The following DDX10 variants were observed in gnomAD, a reference collection of about 807,000 sequenced individuals.
DDX10 encodes the protein probable ATP-dependent RNA helicase DDX10.
DDX10 carries 74 observed loss-of-function variants against 104.3 expected under a neutral mutation model. The ratio of observed to expected loss-of-function variants is 0.71; its 90% CI spans 0.59 to 0.86. The LOEUF is 0.86. Among genes scored for constraint, DDX10 ranks in the 40% least tolerant of loss-of-function variants. The probability of loss-of-function intolerance (pLI) is 0.00; values close to 1 mark genes in which losing one functional copy is unlikely to be tolerated. For synonymous variants in DDX10, 351 were observed against 353.4 expected (o/e 0.99, Z 0.08); for missense variants, 952 against 1,040.0 (o/e 0.92, Z 1.16).
chr11:108,809,253 A>G (rs777359540), intron 13 of DDX10, among the ~76,000 whole-genome samples: 18 of 152,156 alleles, frequency 1.2e-4, no homozygotes, highest in Non-Finnish European at 1.9e-4. Context: ...GTGGATTGAG[A>G]GGTGAATAAG....
At chr11:108,759,891 T>G (rs1337376108) in intron 13 of DDX10, among the ~76,000 whole-genome samples, 1 of 152,066 alleles carries the variant, frequency 6.6e-6, no homozygotes, top group African/African-American at 2.4e-5. Flanking sequence ...GAGGGAATTT[T>G]ATGGCCACAT....
At chr11:108,924,172 A>G (rs1385518160) in intron 17 of DDX10, among the ~76,000 whole-genome samples, 1 of 152,140 alleles carries the variant, frequency 6.6e-6, no homozygotes, top group Non-Finnish European at 1.5e-5. Flanking sequence ...TAAATTTTTA[A>G]TATATATAAT....
At position 108,940,340 on chromosome 11, in the gene DDX10, G is replaced by A. The variant is rs1374807760; in HGVS notation, c.2545G>A (p.Asp849Asn). The A allele has an allele frequency of 1.2e-6, 2 of 1,613,942 alleles. No homozygotes were observed. Among genetic ancestry groups the A allele is most frequent in the Non-Finnish European group, 1.7e-6 (2 of 1,180,020 alleles). The change falls in exon 18 of 18, where the codon GAC (aspartate) becomes AAC (asparagine). Residue 849 changes from aspartate (D) to asparagine (N), a missense_variant. Transcript: ENST00000322536. Reference sequence around the variant, plus strand: ...TCATAACAGAAAGAAGGCCAGGTGGGACACTTTAGAGCCTTTGGATACCGG... The same window carrying A: ...TCATAACAGAAAGAAGGCCAGGTGGAACACTTTAGAGCCTTTGGATACCGG... ...TSHNRKKARW[D>N]TLEPLDTGLS...
intron 10 of DDX10, among the ~76,000 whole-genome samples, chr11:108,709,169 T>A (rs2094280679): frequency 6.6e-6 from 1 of 152,226 alleles, no homozygotes; most frequent in African/African-American, 2.4e-5. Flanking sequence ...TTTTTCCTGA[T>A]CTTAGCGGGA....
At chr11:108,679,288 A>T in intron 5 of DDX10, 83 bp from the exon 6 acceptor site, 1 of 1,175,528 alleles carries the variant, frequency 8.5e-7, no homozygotes, top group Non-Finnish European at 1.2e-6. Flanking sequence ...TTTCTGTTTT[A>T]GGATCCAATC....
intron 13 of DDX10, among the ~76,000 whole-genome samples, chr11:108,828,516 C>G (rs1480039531): frequency 6.6e-6 from 1 of 152,096 alleles, no homozygotes; most frequent in East Asian, 1.9e-4. Flanking sequence ...TATTCCATTT[C>G]TTTATCCACA....
At chr11:108,903,182 C>G (rs73011405) in intron 16 of DDX10, among the ~76,000 whole-genome samples, 2,854 of 152,200 alleles carry the variant, frequency 0.019, 50 homozygotes, top group Middle Eastern at 0.068. Context: ...TTTGACACCC[C>G]CAAAAGGAAC....
intron 13 of DDX10, among the ~76,000 whole-genome samples, chr11:108,810,796 T>C (rs1259087531): frequency 6.6e-6 from 1 of 152,198 alleles, no homozygotes; most frequent in African/African-American, 2.4e-5. Context: ...TCGTTGAACA[T>C]AATGTTATAA....
intron 16 of DDX10, among the ~76,000 whole-genome samples, chr11:108,891,530 T>C (rs977233366): frequency 2.6e-4 from 40 of 152,300 alleles, no homozygotes; most frequent in Admixed American, 3.9e-4. Flanking sequence ...TATATGACTC[T>C]GTGGATAACT....
chr11:108,849,416 A>G (rs1404691625), intron 15 of DDX10, among the ~76,000 whole-genome samples: 1 of 152,116 alleles, frequency 6.6e-6, no homozygotes, highest in East Asian at 1.9e-4. Context: ...ATTTTCAAGT[A>G]TCACCCTAGA....
At chr11:108,908,741 CT>C (rs1382915491) in intron 16 of DDX10, among the ~76,000 whole-genome samples, 4 of 152,130 alleles carry the variant, frequency 2.6e-5, no homozygotes, top group Admixed American at 6.5e-5. Context: ...TTACCATGTA[CT>C]TTGCTGAGTT....
chr11:108,834,885 G>A (rs1015887435), intron 13 of DDX10, among the ~76,000 whole-genome samples: 5 of 118,360 alleles, frequency 4.2e-5, no homozygotes, highest in African/African-American at 1.6e-4. Context: ...CCGAGATCGC[G>A]CCACTGCACT....
chr11:108,754,127 T>C (rs1042374533), intron 13 of DDX10, among the ~76,000 whole-genome samples: 5 of 152,074 alleles, frequency 3.3e-5, no homozygotes, highest in Non-Finnish European at 5.9e-5. Flanking sequence ...TAATGGCCTG[T>C]TTTCTGTTCA....
chr11:108,897,095 A>G (rs1022141931), intron 16 of DDX10, among the ~76,000 whole-genome samples: 1 of 152,130 alleles, frequency 6.6e-6, no homozygotes, highest in African/African-American at 2.4e-5. Flanking sequence ...GTACCTTCCA[A>G]GTGACTCAAC....
intron 12 of DDX10, among the ~76,000 whole-genome samples, chr11:108,720,871 G>A (rs2094297467): frequency 6.6e-6 from 1 of 150,566 alleles, no homozygotes; most frequent in Non-Finnish European, 1.5e-5. Flanking sequence ...GGCATTACAG[G>A]TGTGAGCCAC....
chr11:108,671,415 T>TC (rs1187462248), intron 1 of DDX10, among the ~76,000 whole-genome samples: 2 of 152,216 alleles, frequency 1.3e-5, no homozygotes, highest in Non-Finnish European at 2.9e-5. Context: ...CCGCCTGCCT[T>TC]GGCCTCCCAA....
intron 13 of DDX10, among the ~76,000 whole-genome samples, chr11:108,744,508 A>G (rs889371372): frequency 1.3e-5 from 2 of 152,216 alleles, no homozygotes; most frequent in African/African-American, 4.8e-5. Context: ...TGATGAAATA[A>G]TTAAAAATAC....
intron 13 of DDX10, among the ~76,000 whole-genome samples, chr11:108,746,820 A>C (rs572949109): frequency 2.3e-4 from 35 of 151,940 alleles, no homozygotes; most frequent in Non-Finnish European, 2.6e-4. Flanking sequence ...CCTTATTCTC[A>C]TGTTGTTTGT....
intron 9 of DDX10, among the ~76,000 whole-genome samples, chr11:108,702,372 T>TAA (rs2094269631): frequency 6.6e-6 from 1 of 152,232 alleles, no homozygotes; most frequent in Non-Finnish European, 1.5e-5. Context: ...ATAAACTTTT[T>TAA]GTAACCTAAC....
Sources: allele counts gnomAD v4.1 joint callset (sites outside exome capture counted in the v4.1 genomes callset), GRCh38; gene constraint gnomAD v4.1.1; transcripts MANE v1.5; gene names NCBI Gene and HGNC (gene_info 2026-07-23, HGNC 2026-07-21).